MACO1: variants seen among roughly 807,000 people sequenced by gnomAD.
MACO1 encodes the protein macoilin.
MACO1 carries 14 observed loss-of-function variants against 78.7 expected under a neutral mutation model. That is an observed-to-expected ratio of 0.18 (90% CI 0.12 to 0.28). MACO1 has a LOEUF of 0.28. Among genes scored for constraint, MACO1 ranks in the 10% least tolerant of loss-of-function variants. MACO1 has a pLI of 1.00. For synonymous variants in MACO1, 288 were observed against 291.6 expected, an observed-to-expected ratio of 0.99 and a Z score of 0.12; for missense variants, 501 against 799.0, an observed-to-expected ratio of 0.63 and a Z score of 4.50.
chr1:25,462,599 A>C (rs1048799677), intron 6 of MACO1, among the ~76,000 whole-genome samples: 10 of 152,212 alleles, frequency 6.6e-5, no homozygotes, highest in Non-Finnish European at 1.5e-5. Flanking sequence ...CTACTGTAAT[A>C]ATATAGATTA....
chr1:25,458,746 T>C lies in MACO1; in HGVS notation c.1008T>C (p.His336=), dbSNP rs374300826. 2.0e-4 allele frequency: 317 copies of C among 1,614,038 alleles called. No homozygotes were observed. Among genetic ancestry groups the C allele is most frequent in the Non-Finnish European group, 2.5e-4 (300 of 1,180,038 alleles). Residue 336 remains histidine (H), a synonymous_variant, in exon 6 of 11, where the codon CAT becomes CAC. Coordinates refer to ENST00000374343, the MANE Select transcript of MACO1 (RefSeq NM_018202.6). ...SGVVNSSPRS[H]SATNGSIPSS... ...TTGTGAACTCTTCACCTCGAAGTCA[T>C]AGCGCCACAAATGGGAGCATTCCTT... is the stretch of plus-strand genomic sequence containing the variant.
chr1:25,491,912 T>C (rs1194283657), intron 10 of MACO1, among the ~76,000 whole-genome samples: 3 of 152,072 alleles, frequency 2.0e-5, no homozygotes, highest in African/African-American at 7.2e-5. Context: ...TGAGGGAACA[T>C]AGAAAGAGTC....
chr1:25,463,756 T>C (rs2043191578), intron 6 of MACO1, among the ~76,000 whole-genome samples: 1 of 152,260 alleles, frequency 6.6e-6, no homozygotes, highest in Non-Finnish European at 1.5e-5. Flanking sequence ...ACAATCATGA[T>C]ACAAATTGCT....
At chr1:25,471,415 A>G (rs76153830) in intron 6 of MACO1, among the ~76,000 whole-genome samples, 1,777 of 152,254 alleles carry the variant, frequency 0.012, 36 homozygotes, top group African/African-American at 0.04. Context: ...TACTTGAAAT[A>G]TATACCAGAT....
At chr1:25,488,155 T>C (rs764578881) in intron 8 of MACO1, among the ~76,000 whole-genome samples, 3 of 152,174 alleles carry the variant, frequency 2.0e-5, no homozygotes, top group Non-Finnish European at 4.4e-5. Context: ...GGGCTCAAGT[T>C]GTCCTCTTGC....
intron 10 of MACO1, among the ~76,000 whole-genome samples, chr1:25,497,798 C>G (rs925801175): frequency 6.6e-6 from 1 of 152,214 alleles, no homozygotes; most frequent in African/African-American, 2.4e-5. Context: ...CAAAAAAATT[C>G]CAGCTCAAGA....
In MACO1 at chr1:25,459,420, C is replaced by T. The variant is rs141774833; in HGVS notation, c.1154+528C>T. ...AAAAGCAATCTCTTTCACAAAAATC[C>T]ATGGAGAAACAGTGTTAGACACAAA... On this transcript the variant is annotated intron_variant, in intron 6 of 10. Transcript: ENST00000374343. Among the ~76,000 whole-genome samples, 1,243 of 152,084 alleles carry T rather than the reference C, an allele frequency of 8.2e-3. 20 individuals are homozygous for T. Among genetic ancestry groups the T allele is most frequent in the African/African-American group, 0.029 (1,189 of 41,470 alleles).
chr1:25,470,236 T>C (rs1164764316), intron 6 of MACO1, among the ~76,000 whole-genome samples: 1 of 152,234 alleles, frequency 6.6e-6, no homozygotes, highest in Non-Finnish European at 1.5e-5. Flanking sequence ...TGGGGGCTAA[T>C]GCTATTTACT....
chr1:25,468,087 T>C (rs924385575), intron 6 of MACO1, among the ~76,000 whole-genome samples: 2 of 151,020 alleles, frequency 1.3e-5, no homozygotes, highest in Admixed American at 6.6e-5. Context: ...TGTAGAAAAA[T>C]TGGTTAGAAT....
At chr1:25,488,705 G>A (rs2043456602) in intron 8 of MACO1, among the ~76,000 whole-genome samples, 1 of 151,990 alleles carries the variant, frequency 6.6e-6, no homozygotes, top group African/African-American at 2.4e-5. Flanking sequence ...GGCTGGTCTT[G>A]AACTCCTGAC....
At chr1:25,471,827 C>T (rs1395766229) in intron 6 of MACO1, among the ~76,000 whole-genome samples, 1 of 152,216 alleles carries the variant, frequency 6.6e-6, no homozygotes, top group Non-Finnish European at 1.5e-5. Flanking sequence ...TAGAAAGTCT[C>T]TTTGCTCCAA....
At chr1:25,488,737 G>T (rs547709277) in intron 8 of MACO1, among the ~76,000 whole-genome samples, 2 of 152,214 alleles carry the variant, frequency 1.3e-5, no homozygotes, top group South Asian at 4.1e-4. Flanking sequence ...CACCTGCCTT[G>T]GCCTCCCAAA....
chr1:25,458,597 G>C lies in MACO1; in HGVS notation c.859G>C (p.Glu287Gln). The C allele has an allele frequency of 6.2e-7, 1 of 1,613,690 alleles. No individual in the cohort carries two copies. The highest frequency in any genetic ancestry group is 8.5e-7 in the Non-Finnish European group (1 of 1,179,878). ...TGTAGACTCTAAAATACAAGAGATTGAGTATATGGAAAACCATATCAATAG... is the reference window on the plus strand; with the variant it reads ...TGTAGACTCTAAAATACAAGAGATTCAGTATATGGAAAACCATATCAATAG... ...QPVDSKIQEI[E>Q]YMENHINSKR... The change falls in exon 6 of 11, where the codon GAG becomes CAG. Residue 287 changes from glutamate (E) to glutamine (Q), a missense_variant. Glu to Gln is a conservative substitution (Grantham distance 29). This residue lies in a region of MACO1 where 90 missense variants were observed against 85.7 expected (regional missense o/e 1.05). Transcript: ENST00000374343.
chr1:25,478,468 G>A (rs2043342252), intron 6 of MACO1, among the ~76,000 whole-genome samples: 1 of 152,078 alleles, frequency 6.6e-6, no homozygotes, highest in Non-Finnish European at 1.5e-5. Flanking sequence ...TATCTTAATT[G>A]GGTAGGATTA....
chr1:25,433,343 A>AGT (rs1460724817), intron 1 of MACO1, among the ~76,000 whole-genome samples: 2 of 152,130 alleles, frequency 1.3e-5, no homozygotes, highest in East Asian at 3.8e-4. Flanking sequence ...AAACAGGATG[A>AGT]GTGGACTGGT....
At chr1:25,456,573 C>T in intron 4 of MACO1, 80 bp from the exon 5 acceptor site, 4 of 1,402,460 alleles carry the variant, frequency 2.9e-6, no homozygotes, top group Non-Finnish European at 3.9e-6. Flanking sequence ...AATTTTTAAG[C>T]CATAGGTATT....
intron 6 of MACO1, among the ~76,000 whole-genome samples, chr1:25,470,921 A>C (rs571677925): frequency 2.4e-4 from 36 of 152,214 alleles, no homozygotes; most frequent in African/African-American, 8.2e-4. Flanking sequence ...CCAGCTACTC[A>C]GGAGGCTGAG....
chr1:25,478,719 T>C (rs1384046374), intron 6 of MACO1, among the ~76,000 whole-genome samples: 1 of 152,242 alleles, frequency 6.6e-6, no homozygotes, highest in Non-Finnish European at 1.5e-5. Context: ...CTGGACCTGA[T>C]GTGTAATAAT....
At chr1:25,472,581 G>A (rs1452782572) in intron 6 of MACO1, among the ~76,000 whole-genome samples, 1 of 152,216 alleles carries the variant, frequency 6.6e-6, no homozygotes, top group Non-Finnish European at 1.5e-5. Context: ...GTGTTTGGCT[G>A]CTTTCTCTCT....
Sources: allele counts gnomAD v4.1 joint callset (sites outside exome capture counted in the v4.1 genomes callset), GRCh38; gene constraint gnomAD v4.1.1; regional missense constraint gnomAD v4.1.1; transcripts MANE v1.5; gene names NCBI Gene and HGNC (gene_info 2026-07-23, HGNC 2026-07-21).